Variants in PRKCH observed in about 807,000 individuals in gnomAD.
The protein encoded by PRKCH is protein kinase C eta.
In PRKCH, 28 loss-of-function variants were observed where a neutral mutation model predicts 82.5. The observed-to-expected ratio is 0.34, with a 90% CI of 0.25 to 0.47. The LOEUF (loss-of-function observed/expected upper bound fraction) is 0.47. Ranked by LOEUF, PRKCH falls within the 20% of genes least tolerant of loss-of-function variation. PRKCH has a pLI of 1.00. For missense variants in PRKCH, 705 were observed against 881.8 expected (o/e 0.80, Z 2.54); for synonymous variants, 322 against 327.4 (o/e 0.98, Z 0.18).
chr14:61,259,204 AAG>A (rs2045024103), intron 1 of PRKCH, among the ~76,000 whole-genome samples: 2 of 152,190 alleles, frequency 1.3e-5, no homozygotes, highest in African/African-American at 4.8e-5. Flanking sequence ...ACAAATGACT[AAG>A]TACCAAAAAA....
chr14:61,229,346 G>A (rs1179798742), intron 1 of PRKCH, among the ~76,000 whole-genome samples: 1 of 152,172 alleles, frequency 6.6e-6, no homozygotes, highest in Admixed American at 6.6e-5. Context: ...TTGCAGGAAG[G>A]ACTGACCTCT....
intron 2 of PRKCH, among the ~76,000 whole-genome samples, chr14:61,398,121 T>A (rs1160357269): frequency 6.6e-6 from 1 of 152,230 alleles, no homozygotes; most frequent in Non-Finnish European, 1.5e-5. Flanking sequence ...ATGTCAATCT[T>A]TATTCTAACT....
intron 1 of PRKCH, among the ~76,000 whole-genome samples, chr14:61,193,246 A>G (rs2044419198): frequency 6.6e-6 from 1 of 152,256 alleles, no homozygotes; most frequent in Non-Finnish European, 1.5e-5. Flanking sequence ...GTTTGCCTTA[A>G]CTGCTGACTC....
At chr14:61,207,901 A>G (rs1813615991) in intron 1 of PRKCH, among the ~76,000 whole-genome samples, 1 of 152,224 alleles carries the variant, frequency 6.6e-6, no homozygotes, top group South Asian at 2.1e-4. Flanking sequence ...CTGGCCCGGC[A>G]GCGAAGGCAG....
At chr14:61,387,876 G>C (rs1229302322) in intron 1 of PRKCH, among the ~76,000 whole-genome samples, 1 of 152,184 alleles carries the variant, frequency 6.6e-6, no homozygotes, top group Non-Finnish European at 1.5e-5. Context: ...CGCTGGGTGT[G>C]GTGGCTCATG....
chr14:61,542,562 T>A (rs149526390), intron 12 of PRKCH, among the ~76,000 whole-genome samples: 29 of 152,212 alleles, frequency 1.9e-4, no homozygotes, highest in East Asian at 1.7e-3. Context: ...AGACCATTCC[T>A]CCCACTGCAC....
intron 1 of PRKCH, among the ~76,000 whole-genome samples, chr14:61,348,347 C>T (rs1190606588): frequency 2.0e-5 from 3 of 152,026 alleles, no homozygotes; most frequent in Non-Finnish European, 4.4e-5. Context: ...GGAAAAAGCT[C>T]GTGGATGAAA....
chr14:61,212,245 G>T (rs2044587549), intron 1 of PRKCH, among the ~76,000 whole-genome samples: 2 of 152,120 alleles, frequency 1.3e-5, no homozygotes. Flanking sequence ...TCAAGCAAGG[G>T]CATAACTGTT....
At chr14:61,486,499 A>G (rs1439897778) in intron 10 of PRKCH, among the ~76,000 whole-genome samples, 1 of 152,354 alleles carries the variant, frequency 6.6e-6, no homozygotes, top group African/African-American at 2.4e-5. Context: ...CTCAGAATTC[A>G]ACAGATATCA....
At chr14:61,524,692 A>G (rs1415215086) in intron 10 of PRKCH, among the ~76,000 whole-genome samples, 1 of 152,162 alleles carries the variant, frequency 6.6e-6, no homozygotes, top group Non-Finnish European at 1.5e-5. Flanking sequence ...AAATGGCTCT[A>G]TAATCTTTGG....
chr14:61,446,654 T>C (rs193046904), intron 4 of PRKCH, among the ~76,000 whole-genome samples: 66 of 152,338 alleles, frequency 4.3e-4, no homozygotes, highest in Non-Finnish European at 7.2e-4. Flanking sequence ...AAAAAACAAA[T>C]ATATAATCAA....
chr14:61,280,497 C>T lies in PRKCH; in HGVS notation c.-19+92829C>T, dbSNP rs905753179. On this transcript the variant is annotated intron_variant, in intron 1 of 3. Transcript: ENST00000555185. The surrounding 1 kb of genome is among the most constrained non-coding windows in gnomAD (Gnocchi z 5.0). ...GGGGCGCCGTGCCCTGGAAGGCCAA[C>T]GCCAGGCTGCCGTTGACCAGCGGCG... The T allele has an allele frequency of 1.2e-6, 2 of 1,612,884 alleles. No homozygotes were observed. Among genetic ancestry groups the T allele is most frequent in the Non-Finnish European group, 1.7e-6 (2 of 1,179,588 alleles).
chr14:61,396,950 C>T (rs1474757377), intron 2 of PRKCH, among the ~76,000 whole-genome samples: 1 of 152,072 alleles, frequency 6.6e-6, no homozygotes, highest in Non-Finnish European at 1.5e-5. Context: ...ATGTTCACAC[C>T]ACTTGTAGGC....
chr14:61,397,080 CATT>C (rs1328138968), intron 2 of PRKCH, among the ~76,000 whole-genome samples: 1 of 151,992 alleles, frequency 6.6e-6, no homozygotes, highest in Non-Finnish European at 1.5e-5. Context: ...TGTGGAGAAC[CATT>C]ATAGAGACTT....
In PRKCH at chr14:61,378,224, C is replaced by CTTTT. The variant is rs552301917; in HGVS notation, c.364-12991_364-12988dup. The stretch of plus-strand genomic sequence containing the variant: ...GGGCTTTTTTTTTCTTTTTCTTTTT[C>CTTTT]TTTTTTTTTTTTTGAGACAGCATCT... On this transcript the variant is annotated intron_variant, in intron 1 of 13. Coordinates refer to ENST00000332981, the MANE Select transcript of PRKCH (RefSeq NM_006255.5). Among the ~76,000 whole-genome samples, 111 of 139,486 alleles carry CTTTT rather than the reference C, an allele frequency of 8.0e-4. 1 individual carries two copies. The highest frequency in any genetic ancestry group is 2.9e-3 in the African/African-American group (108 of 37,348). The allele number at this position is 139,486 out of a possible 152,430, so 91.5% of individuals were successfully genotyped here.
At position 61,506,308 on chromosome 14, in the gene PRKCH, G is replaced by A. The variant is rs3783760; in HGVS notation, c.1433+20652G>A. ...TTGTCATGGAATTTCTCCATATTGC[G>A]GCGGTACTTCAGTGTGAGTCAGCAG... On this transcript the variant is annotated intron_variant, in intron 10 of 13. Coordinates refer to ENST00000332981, the MANE Select transcript of PRKCH (RefSeq NM_006255.5). 8.4e-3 allele frequency among the ~76,000 whole-genome samples: 1,281 copies of A among 152,204 alleles called. 50 individuals carry two copies. In the East Asian group the frequency reaches 0.1, roughly 12 times the overall value.
intron 7 of PRKCH, among the ~76,000 whole-genome samples, chr14:61,455,184 C>T (rs939654207): frequency 6.8e-6 from 1 of 147,360 alleles, no homozygotes; most frequent in African/African-American, 2.5e-5. Flanking sequence ...CACCCGCCAC[C>T]ACGCCCAGCT....
At chr14:61,476,484 A>G (rs1269009005) in intron 9 of PRKCH, 2 of 152,206 alleles carry the variant, frequency 1.3e-5, no homozygotes, top group African/African-American at 4.8e-5. Flanking sequence ...ACCCCTGATC[A>G]TATGTTACCA....
intron 10 of PRKCH, among the ~76,000 whole-genome samples, chr14:61,489,826 C>T (rs191365167): frequency 1.3e-5 from 2 of 152,140 alleles, no homozygotes; most frequent in Non-Finnish European, 2.9e-5. Flanking sequence ...ATCCCATTGA[C>T]CAGACATCTT....
Sources: allele counts gnomAD v4.1 joint callset (sites outside exome capture counted in the v4.1 genomes callset), GRCh38; gene constraint gnomAD v4.1.1; non-coding constraint Gnocchi (gnomAD v3.1); transcripts MANE v1.5; gene names NCBI Gene and HGNC (gene_info 2026-07-23, HGNC 2026-07-21).